The following PAGE2B variants were observed in gnomAD, a reference collection of about 807,000 sequenced individuals.
PAGE2B encodes PAGE family member 2B, also known as putative G antigen family E member 3.
PAGE2B carries 5 observed loss-of-function variants against 7.6 expected under a neutral mutation model. The ratio of observed to expected loss-of-function variants is 0.66; its 90% CI spans 0.34 to 1.38. The LOEUF is 1.38. Ranked by LOEUF, PAGE2B falls within the 40% of genes most tolerant of loss-of-function variation. The pLI is 0.04. For synonymous variants in PAGE2B, 29 were observed against 26.7 expected (o/e 1.09, Z -0.27); for missense variants, 70 against 78.4 (o/e 0.89, Z 0.41).
At chrX:55,063,647 A>G in the PAGE2B span, among the ~76,000 whole-genome samples, 1 of 111,198 alleles carries the variant, frequency 9.0e-6, no homozygotes, top group African/African-American at 3.3e-5. Flanking sequence ...TCTTAGAGGA[A>G]AGGATTTCAG....
the PAGE2B span, among the ~76,000 whole-genome samples, chrX:55,041,781 G>C: frequency 1.1e-4 from 12 of 111,672 alleles, no homozygotes; most frequent in Non-Finnish European, 1.7e-4. Flanking sequence ...CAGGACATCA[G>C]AGGACTCAGA....
chrX:55,039,123 G>A, the PAGE2B span, among the ~76,000 whole-genome samples: 1 of 111,674 alleles, frequency 9.0e-6, no homozygotes, highest in Non-Finnish European at 1.9e-5. Flanking sequence ...TGTTTCAGTA[G>A]CCATGAGATA....
At chrX:55,056,100 A>T in the PAGE2B span, among the ~76,000 whole-genome samples, 3 of 111,527 alleles carry the variant, frequency 2.7e-5, no homozygotes, top group Non-Finnish European at 3.8e-5. Context: ...CACCTCGATC[A>T]TTTGGGAGTG....
chrX:55,049,472 C>A, the PAGE2B span, among the ~76,000 whole-genome samples: 1 of 111,452 alleles, frequency 9.0e-6, no homozygotes, highest in Non-Finnish European at 1.9e-5. Context: ...TAATTATTGC[C>A]TCAATTTCAG....
intron 4 of PAGE2B, among the ~76,000 whole-genome samples, chrX:55,078,055 A>G (rs2146469066): frequency 1.4e-5 from 1 of 70,215 alleles, no homozygotes; most frequent in African/African-American, 6.5e-5. Flanking sequence ...ATTTTCAAAT[A>G]TTTTTATAGA....
the PAGE2B span, among the ~76,000 whole-genome samples, chrX:55,047,510 T>G: frequency 8.0e-5 from 9 of 111,893 alleles, no homozygotes; most frequent in East Asian, 1.7e-3. Context: ...TCCACAATGG[T>G]TGAACTAGTT....
chrX:55,045,932 A>G, the PAGE2B span, among the ~76,000 whole-genome samples: 1 of 111,235 alleles, frequency 9.0e-6, no homozygotes, highest in Non-Finnish European at 1.9e-5. Context: ...CAAAGAAGTC[A>G]AATAACATAA....
chrX:55,059,992 C>T, the PAGE2B span, among the ~76,000 whole-genome samples: 2 of 110,776 alleles, frequency 1.8e-5, no homozygotes, highest in Middle Eastern at 4.7e-3. Flanking sequence ...TGTGTGTGCC[C>T]GTCTCTGTGT....
At chrX:55,052,872 G>A in the PAGE2B span, among the ~76,000 whole-genome samples, 15 of 112,661 alleles carry the variant, frequency 1.3e-4, no homozygotes, top group African/African-American at 2.3e-4. Flanking sequence ...GAAATCACCC[G>A]TCTTCTGCGT....
Position 55,076,657 on chromosome X carries a change from A to G in PAGE2B, c.173A>G (p.Glu58Gly). 1 of 1,207,231 alleles carries G rather than the reference A, an allele frequency of 8.3e-7. No individual in the cohort carries two copies. Among genetic ancestry groups the G allele is most frequent in the Non-Finnish European group, 1.1e-6 (1 of 893,515 alleles). The stretch of plus-strand genomic sequence containing the variant: ...GCACCTAGTGGGGAGATCGAAAATG[A>G]AGGAGCACCTGCCGTTCAAGGTGAA... The part of the protein sequence containing the change: ...GIAPSGEIEN[E>G]GAPAVQGPDM... The change falls in exon 3 of 5, where the codon GAA (glutamate) becomes GGA (glycine). Residue 58 changes from glutamate (E) to glycine (G), a missense_variant. By Grantham distance (98) the Glu-to-Gly change is moderately conservative. Coordinates refer to ENST00000374971, the MANE Select transcript of PAGE2B (RefSeq NM_001015038.3).
the PAGE2B span, among the ~76,000 whole-genome samples, chrX:55,063,938 G>A: frequency 9.0e-5 from 10 of 110,954 alleles, no homozygotes; most frequent in African/African-American, 3.3e-4. Context: ...TTTTTTTAAT[G>A]TGTTGTTGAA....
At chrX:55,068,966 C>G in the PAGE2B span, among the ~76,000 whole-genome samples, 1 of 111,763 alleles carries the variant, frequency 8.9e-6, no homozygotes, top group East Asian at 2.8e-4. Context: ...TCTAAATGTC[C>G]AATCATGTCA....
At chrX:55,049,079 T>A in the PAGE2B span, among the ~76,000 whole-genome samples, 5 of 111,846 alleles carry the variant, frequency 4.5e-5, no homozygotes, top group African/African-American at 1.6e-4. Flanking sequence ...GGTTTTTGTC[T>A]TTGGTTCTGT....
At chrX:55,045,684 A>G in the PAGE2B span, among the ~76,000 whole-genome samples, 1 of 111,272 alleles carries the variant, frequency 9.0e-6, no homozygotes, top group Non-Finnish European at 1.9e-5. Flanking sequence ...AAATCCTCAG[A>G]TACAGGAACA....
the PAGE2B span, among the ~76,000 whole-genome samples, chrX:55,038,337 T>G: frequency 0.014 from 1,531 of 112,276 alleles, 23 homozygotes; most frequent in African/African-American, 0.046. Flanking sequence ...GCACCCATCC[T>G]ATATGAGTTG....
At chrX:55,071,890 T>C (rs770405524), upstream of PAGE2B, among the ~76,000 whole-genome samples, 9 of 112,132 alleles carry the variant, frequency 8.0e-5, no homozygotes, top group Admixed American at 1.9e-4. Flanking sequence ...AGTCCTCTGT[T>C]TTTCCGCTCC....
chrX:55,062,362 T>C, the PAGE2B span, among the ~76,000 whole-genome samples: 1 of 112,095 alleles, frequency 8.9e-6, no homozygotes. Flanking sequence ...ATATTGAGCA[T>C]CTTTTCATAT....
At chrX:55,054,305 G>T in the PAGE2B span, among the ~76,000 whole-genome samples, 2 of 111,865 alleles carry the variant, frequency 1.8e-5, no homozygotes, top group Non-Finnish European at 3.8e-5. Flanking sequence ...AGTGACTTAT[G>T]GATCAATGTT....
chrX:55,065,989 C>T, the PAGE2B span, among the ~76,000 whole-genome samples: 150 of 112,725 alleles, frequency 1.3e-3, no homozygotes, highest in East Asian at 0.011. Context: ...GTAGTTTACA[C>T]ACCACAACTA....
Sources: gnomAD v4.1 joint callset for allele counts (sites outside exome capture counted in the v4.1 genomes callset) on GRCh38, gnomAD v4.1.1 for gene constraint, MANE v1.5 for transcripts, NCBI Gene and HGNC (gene_info 2026-07-23, HGNC 2026-07-21) for gene names.